The following ERBB4 variants were observed in gnomAD, a reference collection of about 807,000 sequenced individuals.
The protein encoded by ERBB4 is receptor tyrosine-protein kinase erbB-4.
In ERBB4, 42 loss-of-function variants were observed where a neutral mutation model predicts 158.0. The ratio of observed to expected loss-of-function variants is 0.27; its 90% confidence interval spans 0.21 to 0.34. The LOEUF (loss-of-function observed/expected upper bound fraction) is 0.34. Ranked by LOEUF, ERBB4 falls within the 10% of genes least tolerant of loss-of-function variation. The probability of loss-of-function intolerance (pLI) is 1.00; values close to 1 mark genes in which losing one functional copy is unlikely to be tolerated. For missense variants in ERBB4, 1,333 were observed against 1,624.1 expected, an observed-to-expected ratio of 0.82 and a Z score of 3.08; for synonymous variants, 583 against 558.7, an observed-to-expected ratio of 1.04 and a Z score of -0.61.
intron 1 of ERBB4, among the ~76,000 whole-genome samples, chr2:212,176,541 G>A (rs2081668402): frequency 6.6e-6 from 1 of 151,912 alleles, no homozygotes. Flanking sequence ...GGAAATAAAT[G>A]TATGTTGTTT....
At chr2:211,600,622 T>C (rs1011199585) in intron 19 of ERBB4, among the ~76,000 whole-genome samples, 4 of 152,190 alleles carry the variant, frequency 2.6e-5, no homozygotes, top group Non-Finnish European at 5.9e-5. Context: ...GAGTACCAGG[T>C]GTACCAGGTG....
At chr2:211,557,756 C>T (rs574136407) in intron 20 of ERBB4, among the ~76,000 whole-genome samples, 69 of 152,268 alleles carry the variant, frequency 4.5e-4, no homozygotes, top group African/African-American at 1.6e-3. Context: ...ACCCAGCAAT[C>T]ACCTTCCTGG....
At chr2:211,698,580 A>G (rs1421943798) in intron 12 of ERBB4, among the ~76,000 whole-genome samples, 1 of 151,800 alleles carries the variant, frequency 6.6e-6, no homozygotes, top group Non-Finnish European at 1.5e-5. Flanking sequence ...ACAATGAGAA[A>G]GGTACTATTA....
chr2:212,378,444 T>A (rs879323968), intron 1 of ERBB4, among the ~76,000 whole-genome samples: 1 of 151,882 alleles, frequency 6.6e-6, no homozygotes, highest in Non-Finnish European at 1.5e-5. Context: ...TTAGCAATTA[T>A]TAACAGTGAG....
chr2:211,651,657 C>A (rs559125910), intron 16 of ERBB4, among the ~76,000 whole-genome samples: 9 of 127,776 alleles, frequency 7.0e-5, no homozygotes, highest in African/African-American at 2.7e-4. Context: ...AAGAATAAGA[C>A]GGATCTGAAA....
At position 212,480,786 on chromosome 2, in the gene ERBB4, G is replaced by C. The variant is rs115603642; in HGVS notation, c.82+57663C>G. Among the ~76,000 whole-genome samples the C allele has an allele frequency of 8.7e-3, 1,325 of 152,258 alleles. 15 individuals are homozygous for C. The highest frequency in any genetic ancestry group is 0.03 in the African/African-American group (1,251 of 41,532). On this transcript the variant is annotated intron_variant, in intron 1 of 27. Transcript: ENST00000342788. Reference sequence around the variant, plus strand: ...TTGCTATATTTGATTATGTATTTAAGTTTATTTGAAGGCTTTTAAAAGGAA... The same window carrying C: ...TTGCTATATTTGATTATGTATTTAACTTTATTTGAAGGCTTTTAAAAGGAA...
At chr2:211,899,923 C>T (rs1429462418) in intron 3 of ERBB4, among the ~76,000 whole-genome samples, 2 of 152,038 alleles carry the variant, frequency 1.3e-5, no homozygotes, top group South Asian at 2.1e-4. Context: ...TTGGAATAAA[C>T]GGAAAGGCAA....
chr2:211,384,738 A>G (rs2062649829), intron 27 of ERBB4, among the ~76,000 whole-genome samples: 1 of 152,202 alleles, frequency 6.6e-6, no homozygotes, highest in African/African-American at 2.4e-5. Context: ...AAGTATAATT[A>G]TAATATTTCC....
intron 20 of ERBB4, among the ~76,000 whole-genome samples, chr2:211,449,257 A>T (rs2064184979): frequency 6.6e-6 from 1 of 152,166 alleles, no homozygotes; most frequent in Admixed American, 6.5e-5. Context: ...GTGTAATATT[A>T]GTAGCAGAAT....
chr2:212,249,134 T>C (rs1395644395), intron 1 of ERBB4, among the ~76,000 whole-genome samples: 2 of 152,098 alleles, frequency 1.3e-5, no homozygotes, highest in African/African-American at 4.8e-5. Context: ...ACTTGGCTTA[T>C]TGTTTGCGAT....
chr2:211,438,628 T>C (rs1450152782), intron 20 of ERBB4, among the ~76,000 whole-genome samples: 1 of 152,208 alleles, frequency 6.6e-6, no homozygotes, highest in Non-Finnish European at 1.5e-5. Context: ...AAAAATATAA[T>C]TTGACCACTT....
Position 211,380,249 on chromosome 2 carries a change from C to T in ERBB4, c.*3366G>A. ...CCAGGAGCTGCTTGGTAGTCTAACA[C>T]CTTTTGTGGTGCAGATGCTTTGTGG... On this transcript the variant is annotated 3_prime_UTR_variant, in exon 28 of 28. Coordinates refer to ENST00000342788, the MANE Select transcript of ERBB4 (RefSeq NM_005235.3). 4.3e-6 allele frequency: 1 copy of T among 232,336 alleles called. No homozygotes were observed. Among genetic ancestry groups the T allele is most frequent in the Non-Finnish European group, 8.5e-6 (1 of 117,546 alleles). 14.4% of individuals were successfully genotyped at this position (232,336 alleles called of 1,614,324 possible).
At chr2:211,973,103 A>C (rs987749718) in intron 2 of ERBB4, among the ~76,000 whole-genome samples, 1 of 152,222 alleles carries the variant, frequency 6.6e-6, no homozygotes, top group Non-Finnish European at 1.5e-5. Flanking sequence ...CCACAAAAAA[A>C]AGTGGGCAAA....
intron 3 of ERBB4, among the ~76,000 whole-genome samples, chr2:211,835,832 C>G (rs1304848086): frequency 6.6e-6 from 1 of 151,868 alleles, no homozygotes; most frequent in Non-Finnish European, 1.5e-5. Context: ...ACAAGTGAAG[C>G]AACAATAAAG....
chr2:211,812,202 TG>T (rs1375249227), intron 3 of ERBB4, among the ~76,000 whole-genome samples: 2 of 152,156 alleles, frequency 1.3e-5, no homozygotes, highest in African/African-American at 4.8e-5. Flanking sequence ...GACTTACAGA[TG>T]GGGTTTTGGT....
At chr2:211,666,172 C>T (rs1334605092) in intron 14 of ERBB4, among the ~76,000 whole-genome samples, 3 of 151,966 alleles carry the variant, frequency 2.0e-5, no homozygotes. Context: ...TGTGAAAACA[C>T]TAAAAGTCAT....
intron 1 of ERBB4, among the ~76,000 whole-genome samples, chr2:212,504,253 T>C (rs1212198654): frequency 6.6e-6 from 1 of 152,150 alleles, no homozygotes; most frequent in Non-Finnish European, 1.5e-5. Flanking sequence ...AGACATCATC[T>C]CTACTCCTCA....
At chr2:211,942,917 C>G (rs146087219) in intron 3 of ERBB4, among the ~76,000 whole-genome samples, 123 of 151,978 alleles carry the variant, frequency 8.1e-4, no homozygotes, top group African/African-American at 2.7e-3. Context: ...AAATTCGTAC[C>G]TAGGTTATCA....
intron 1 of ERBB4, among the ~76,000 whole-genome samples, chr2:212,311,826 A>C (rs572712160): frequency 4.2e-4 from 64 of 151,204 alleles, no homozygotes; most frequent in African/African-American, 1.5e-3. Flanking sequence ...ACATCAAACT[A>C]ACAAATGCAG....
Sources: allele counts gnomAD v4.1 joint callset (sites outside exome capture counted in the v4.1 genomes callset), GRCh38; gene constraint gnomAD v4.1.1; transcripts MANE v1.5; gene names NCBI Gene and HGNC (gene_info 2026-07-23, HGNC 2026-07-21).